Variants in PBX1 observed in about 807,000 individuals in gnomAD.
PBX1 encodes the protein pre-B-cell leukemia transcription factor 1.
PBX1 carries 6 observed loss-of-function variants against 53.4 expected under a neutral mutation model. The observed-to-expected ratio is 0.11, with a 90% CI of 0.06 to 0.22. The LOEUF (loss-of-function observed/expected upper bound fraction) is 0.22. Ranked by LOEUF, PBX1 falls within the 10% of genes least tolerant of loss-of-function variation. The pLI is 1.00. For missense variants in PBX1, 251 were observed against 551.4 expected (o/e 0.46, Z 5.46); for synonymous variants, 204 against 212.3 (o/e 0.96, Z 0.34).
chr1:164,568,472 G>T (rs1045834481), intron 2 of PBX1, among the ~76,000 whole-genome samples: 2 of 152,118 alleles, frequency 1.3e-5, no homozygotes, highest in Admixed American at 1.3e-4. Context: ...TGATTTGGAG[G>T]AATATAATAA....
chr1:164,733,937 C>T (rs1665134185), intron 2 of PBX1, among the ~76,000 whole-genome samples: 1 of 152,118 alleles, frequency 6.6e-6, no homozygotes, highest in South Asian at 2.1e-4. Context: ...CAGAAATGTT[C>T]TACTAATTTT....
chr1:164,730,122 G>A (rs1422727816), intron 2 of PBX1, among the ~76,000 whole-genome samples: 2 of 152,238 alleles, frequency 1.3e-5, no homozygotes, highest in Non-Finnish European at 2.9e-5. Context: ...AGAAGGCAAT[G>A]GAAGTTAGGG....
intron 2 of PBX1, among the ~76,000 whole-genome samples, chr1:164,596,540 A>G (rs750141040): frequency 6.6e-6 from 1 of 152,134 alleles, no homozygotes; most frequent in Non-Finnish European, 1.5e-5. Context: ...TTTATGTCAT[A>G]TTTTTACTGT....
At chr1:164,646,909 G>C (rs1659485111) in intron 2 of PBX1, among the ~76,000 whole-genome samples, 1 of 152,208 alleles carries the variant, frequency 6.6e-6, no homozygotes, top group African/African-American at 2.4e-5. Context: ...AACACATGCT[G>C]TGCACTCATA....
chr1:164,633,410 A>G (rs1039397804), intron 2 of PBX1, among the ~76,000 whole-genome samples: 2 of 152,194 alleles, frequency 1.3e-5, no homozygotes, highest in Admixed American at 6.5e-5. Flanking sequence ...TTGGCCTTCC[A>G]AAGTGCTAGG....
chr1:164,812,152 T>C lies in PBX1; in HGVS notation c.997+3T>C. Reference sequence around the variant, plus strand: ...GCCCTCAACTCCCAACTCGGCTGGTTAGTTTTTTCTTTGATTGGGGGTGGG... The same window carrying C: ...GCCCTCAACTCCCAACTCGGCTGGTCAGTTTTTTCTTTGATTGGGGGTGGG... On this transcript the variant is annotated splice_donor_region_variant and intron_variant, in intron 6 of 8. Coordinates refer to ENST00000420696, the MANE Select transcript of PBX1 (RefSeq NM_002585.4). The C allele has an allele frequency of 6.2e-7, 1 of 1,605,944 alleles. No homozygotes were observed. Among genetic ancestry groups the C allele is most frequent in the Non-Finnish European group, 8.5e-7 (1 of 1,175,506 alleles).
chr1:164,815,125 G>A (rs115421630), intron 6 of PBX1: 201 of 152,328 alleles, frequency 1.3e-3, no homozygotes, highest in African/African-American at 4.5e-3. Flanking sequence ...TTCTTCTGTA[G>A]TGGCCTAGAG....
intron 2 of PBX1, among the ~76,000 whole-genome samples, chr1:164,663,465 G>A (rs1375848690): frequency 1.3e-5 from 2 of 152,148 alleles, no homozygotes; most frequent in South Asian, 2.1e-4. Context: ...TTCATGATAC[G>A]TAGAACCTGT....
chr1:164,879,977 C>T, intron 2 of PBX1, among the ~76,000 whole-genome samples: 1 of 152,102 alleles, frequency 6.6e-6, no homozygotes, highest in Non-Finnish European at 1.5e-5. Context: ...GCAGAGGTGC[C>T]AGTGGTATAG....
chr1:164,788,926 C>T (rs1223322546), intron 2 of PBX1, among the ~76,000 whole-genome samples: 1 of 152,104 alleles, frequency 6.6e-6, no homozygotes, highest in Admixed American at 6.5e-5. Context: ...TCTATTAACT[C>T]ATAGTGAATT....
chr1:164,830,122 G>A lies in PBX1; in HGVS notation c.1200+8496G>A, dbSNP rs368003641. On this transcript the variant is annotated intron_variant, in intron 8 of 8. Coordinates refer to ENST00000420696, the MANE Select transcript of PBX1 (RefSeq NM_002585.4). ...TGGTAACTGTAACTTGGTAAAGTAA[G>A]TTAAAAGAATAAATGTGATGGTGTG... Among the ~76,000 whole-genome samples, 287 of 152,236 alleles carry A rather than the reference G, an allele frequency of 1.9e-3. 9 individuals carry two copies. In the South Asian group the frequency reaches 0.044, roughly 23 times the overall value.
chr1:164,874,691 T>C (rs1404387890), intron 2 of PBX1, among the ~76,000 whole-genome samples: 2 of 152,018 alleles, frequency 1.3e-5, no homozygotes, highest in African/African-American at 2.4e-5. Context: ...ACGAGTTTTC[T>C]CCATGTTGGC....
chr1:164,594,069 A>G (rs1655588552), intron 2 of PBX1, among the ~76,000 whole-genome samples: 1 of 152,220 alleles, frequency 6.6e-6, no homozygotes, highest in Non-Finnish European at 1.5e-5. Flanking sequence ...TAATTTCTAT[A>G]GCACTTTATT....
chr1:164,691,408 T>C (rs1177541830), intron 2 of PBX1, among the ~76,000 whole-genome samples: 3 of 152,228 alleles, frequency 2.0e-5, no homozygotes, highest in African/African-American at 7.2e-5. Context: ...ACTAGAGTAC[T>C]GTGGGCATAT....
downstream of PBX1, among the ~76,000 whole-genome samples, chr1:164,853,375 T>C (rs115739481): frequency 5.3e-3 from 811 of 152,212 alleles, 6 homozygotes; most frequent in African/African-American, 0.019. Context: ...CACCTAGTGA[T>C]GGGATAAGGA....
At chr1:164,801,786 G>A (rs950451907) in intron 4 of PBX1, among the ~76,000 whole-genome samples, 4 of 152,164 alleles carry the variant, frequency 2.6e-5, no homozygotes, top group Non-Finnish European at 4.4e-5. Context: ...TATTGTCATC[G>A]TTACTATCAT....
intron 2 of PBX1, among the ~76,000 whole-genome samples, chr1:164,669,722 A>G (rs138075190): frequency 4.8e-4 from 73 of 152,170 alleles, no homozygotes; most frequent in Non-Finnish European, 6.2e-4. Flanking sequence ...CCCTAAACAC[A>G]TGTTCACAGC....
intron 2 of PBX1, among the ~76,000 whole-genome samples, chr1:164,574,747 C>T (rs549388831): frequency 2.0e-5 from 3 of 151,992 alleles, no homozygotes; most frequent in African/African-American, 4.8e-5. Flanking sequence ...TTTGGGAGGC[C>T]GAGATGGGCG....
chr1:164,645,922 A>T (rs995656812), intron 2 of PBX1, among the ~76,000 whole-genome samples: 1 of 152,182 alleles, frequency 6.6e-6, no homozygotes. Flanking sequence ...GAGAAGTGGA[A>T]GACTTGGATC....
Sources: gnomAD v4.1 joint callset for allele counts (sites outside exome capture counted in the v4.1 genomes callset) on GRCh38, gnomAD v4.1.1 for gene constraint, MANE v1.5 for transcripts, NCBI Gene and HGNC (gene_info 2026-07-23, HGNC 2026-07-21) for gene names.